The following CDK14 variants were observed in gnomAD, a reference collection of about 807,000 sequenced individuals.
CDK14 encodes cyclin-dependent kinase 14.
In CDK14, 34 loss-of-function variants were observed where a neutral mutation model predicts 60.7. The ratio of observed to expected loss-of-function variants is 0.56; its 90% CI spans 0.43 to 0.75. CDK14 has a LOEUF of 0.75. CDK14 is among the 30% of genes least tolerant of loss of function. The pLI is 0.00. For synonymous variants in CDK14, 197 were observed against 203.7 expected, an observed-to-expected ratio of 0.97 and a Z score of 0.28; for missense variants, 482 against 564.1, an observed-to-expected ratio of 0.85 and a Z score of 1.47.
chr7:91,065,772 AC>A (rs1337215864), intron 11 of CDK14, among the ~76,000 whole-genome samples: 1 of 152,226 alleles, frequency 6.6e-6, no homozygotes, highest in Non-Finnish European at 1.5e-5. Context: ...CACTGTATTC[AC>A]AGTCCCTAGC....
Position 90,830,095 on chromosome 7 carries a change from C to A in CDK14, c.545-33080C>A, listed in dbSNP as rs191852017. On this transcript the variant is annotated intron_variant, in intron 5 of 14. Coordinates refer to ENST00000380050, the MANE Select transcript of CDK14 (RefSeq NM_001287135.2). Reference sequence around the variant, plus strand: ...CTTCTCACAGCTCCACTAGGCAGTGCCCTAGTGGTGATTCTGTGTGGGGGC... The same window carrying A: ...CTTCTCACAGCTCCACTAGGCAGTGACCTAGTGGTGATTCTGTGTGGGGGC... Among the ~76,000 whole-genome samples the A allele has an allele frequency of 9.0e-4, 137 of 152,280 alleles. 2 individuals are homozygous for A. Among genetic ancestry groups the A allele is most frequent in the African/African-American group, 3.1e-3 (128 of 41,574 alleles).
intron 4 of CDK14, among the ~76,000 whole-genome samples, chr7:90,764,868 G>T (rs1026687928): frequency 1.7e-4 from 26 of 152,204 alleles, no homozygotes; most frequent in Non-Finnish European, 4.4e-5. Context: ...CTAGAGATCT[G>T]CAAGCATTGT....
At chr7:90,622,979 C>T (rs1241717737) in intron 2 of CDK14, among the ~76,000 whole-genome samples, 4 of 141,452 alleles carry the variant, frequency 2.8e-5, no homozygotes, top group African/African-American at 1.0e-4. Context: ...CTCTGGTTTT[C>T]CGTCCTTCTA....
chr7:90,851,545 T>A (rs1272948853), intron 5 of CDK14, among the ~76,000 whole-genome samples: 1 of 152,136 alleles, frequency 6.6e-6, no homozygotes, highest in Non-Finnish European at 1.5e-5. Flanking sequence ...GGAGCTATTG[T>A]CAATACCAGT....
At chr7:90,857,342 G>T (rs867186351) in intron 5 of CDK14, among the ~76,000 whole-genome samples, 4 of 152,136 alleles carry the variant, frequency 2.6e-5, no homozygotes, top group Non-Finnish European at 5.9e-5. Context: ...CTAAGGGAAG[G>T]CTCCTTGCAT....
rs1430377603 is a variant in CDK14 at position 90,677,561 on chromosome 7, G to C, written c.124-49006G>C. Among the ~76,000 whole-genome samples, 6 of 152,136 alleles carry C rather than the reference G, an allele frequency of 3.9e-5. No individual in the cohort carries two copies. In the South Asian group the frequency reaches 1.0e-3, roughly 26 times the overall value. ...TAGTGATTTTACTGAGGCCTCTTTT[G>C]TGTATTCACTAAAGGAAGAAAACAC... On this transcript the variant is annotated intron_variant, in intron 2 of 14. Transcript: ENST00000380050.
chr7:91,147,162 T>TCTCTCTCA lies in CDK14; in HGVS notation c.*28+28955_*28+28956insTCTCTCAC, dbSNP rs1438870514. Among the ~76,000 whole-genome samples, 199 of 124,730 alleles carry TCTCTCTCA rather than the reference T, an allele frequency of 1.6e-3. 2 individuals are homozygous for TCTCTCTCA. The highest frequency in any genetic ancestry group is 6.1e-3 in the African/African-American group (184 of 30,194). The allele number at this position is 124,730 out of a possible 152,430, so 81.8% of individuals were successfully genotyped here. The stretch of plus-strand genomic sequence containing the variant: ...CTCTGTCTCTCTCTCTCTCTCTCTC[T>TCTCTCTCA]CACACACACACACACACACACACAC... On this transcript the variant is annotated intron_variant, in intron 14 of 14. Coordinates refer to ENST00000380050, the MANE Select transcript of CDK14 (RefSeq NM_001287135.2).
chr7:90,993,013 T>A (rs192661311), intron 10 of CDK14, among the ~76,000 whole-genome samples: 167 of 152,270 alleles, frequency 1.1e-3, no homozygotes, highest in African/African-American at 3.7e-3. Context: ...GAAGTGTTTC[T>A]GTTTTGGAGA....
intron 2 of CDK14, among the ~76,000 whole-genome samples, chr7:90,691,176 T>C (rs548402126): frequency 8.3e-4 from 126 of 152,274 alleles, no homozygotes; most frequent in Non-Finnish European, 1.6e-3. Flanking sequence ...TGTGTGTTTA[T>C]CTCAGTTGTG....
chr7:90,782,270 A>G (rs1562767473), intron 4 of CDK14, among the ~76,000 whole-genome samples: 1 of 152,084 alleles, frequency 6.6e-6, no homozygotes, highest in Non-Finnish European at 1.5e-5. Flanking sequence ...TTGATTTTAT[A>G]CCTGAGACTT....
At chr7:90,701,002 CA>C (rs1202094455) in intron 2 of CDK14, among the ~76,000 whole-genome samples, 2 of 152,184 alleles carry the variant, frequency 1.3e-5, no homozygotes, top group Non-Finnish European at 2.9e-5. Flanking sequence ...GTTTACTTTA[CA>C]ATGTCTTCTT....
chr7:91,145,061 G>A (rs1289574927), intron 14 of CDK14, among the ~76,000 whole-genome samples: 2 of 152,114 alleles, frequency 1.3e-5, no homozygotes, highest in Admixed American at 6.5e-5. Flanking sequence ...TGTGAGTTAA[G>A]CCATGAGTGT....
chr7:91,056,907 C>T (rs969806397), intron 11 of CDK14, among the ~76,000 whole-genome samples: 3 of 151,916 alleles, frequency 2.0e-5, no homozygotes, highest in Non-Finnish European at 4.4e-5. Context: ...GATTTATAGT[C>T]CTTTGGGTAT....
intron 14 of CDK14, among the ~76,000 whole-genome samples, chr7:91,205,994 C>G (rs1031856711): frequency 1.2e-4 from 19 of 152,196 alleles, no homozygotes; most frequent in Admixed American, 4.6e-4. Context: ...CGGGGTTTCA[C>G]CATATTGGCC....
At chr7:91,110,624 C>T (rs1799443498) in intron 12 of CDK14, among the ~76,000 whole-genome samples, 2 of 152,212 alleles carry the variant, frequency 1.3e-5, no homozygotes, top group Non-Finnish European at 2.9e-5. Flanking sequence ...AATCACCTTT[C>T]TCTTCTTGTA....
intron 2 of CDK14, among the ~76,000 whole-genome samples, chr7:90,610,726 C>T (rs559457748): frequency 4.6e-5 from 7 of 152,260 alleles, no homozygotes; most frequent in Admixed American, 2.0e-4. Context: ...TAATGCATGG[C>T]TGTCTATCTA....
At chr7:91,075,159 G>A (rs1040497919) in intron 11 of CDK14, among the ~76,000 whole-genome samples, 1 of 152,112 alleles carries the variant, frequency 6.6e-6, no homozygotes, top group African/African-American at 2.4e-5. Context: ...GCATCATCCT[G>A]ATACCAAAAC....
chr7:91,096,699 G>A (rs1193506459), intron 12 of CDK14, among the ~76,000 whole-genome samples: 1 of 152,118 alleles, frequency 6.6e-6, no homozygotes, highest in African/African-American at 2.4e-5. Context: ...TGGAAGTGCT[G>A]GGTGCAGCAG....
intron 6 of CDK14, among the ~76,000 whole-genome samples, chr7:90,865,557 A>G (rs1303004698): frequency 1.3e-5 from 2 of 152,132 alleles, no homozygotes; most frequent in Admixed American, 6.6e-5. Context: ...GGCAATAATA[A>G]TTATTAAACA....
Sources: gnomAD v4.1 joint callset for allele counts (sites outside exome capture counted in the v4.1 genomes callset) on GRCh38, gnomAD v4.1.1 for gene constraint, MANE v1.5 for transcripts, NCBI Gene and HGNC (gene_info 2026-07-23, HGNC 2026-07-21) for gene names.